Variants in GLOD4 observed in about 807,000 individuals in gnomAD.
GLOD4 encodes the protein glyoxalase domain-containing protein 4.
A neutral mutation model predicts 39.1 loss-of-function variants in GLOD4; 44 were observed. The observed-to-expected ratio is 1.13, with a 90% CI of 0.88 to 1.45. The LOEUF is 1.45. Ranked by LOEUF, GLOD4 falls within the 40% of genes most tolerant of loss-of-function variation. The pLI is 0.00. For missense variants in GLOD4, 405 were observed against 366.4 expected, an observed-to-expected ratio of 1.11 and a Z score of -0.86; for synonymous variants, 145 against 135.0, an observed-to-expected ratio of 1.07 and a Z score of -0.52.
chr17:760,790 T>C (rs988732416), intron 8 of GLOD4, among the ~76,000 whole-genome samples: 2 of 152,174 alleles, frequency 1.3e-5, no homozygotes, highest in Non-Finnish European at 2.9e-5. Flanking sequence ...GGCATCTTAA[T>C]TAAAAAGGAA....
intron 1 of GLOD4, among the ~76,000 whole-genome samples, chr17:781,468 G>A (rs780187217): frequency 6.6e-6 from 1 of 152,186 alleles, no homozygotes; most frequent in Non-Finnish European, 1.5e-5. Context: ...GAAAATAGCA[G>A]ATATTTTAAA....
chr17:772,700 C>T (rs562867730), intron 4 of GLOD4, among the ~76,000 whole-genome samples: 7 of 152,118 alleles, frequency 4.6e-5, no homozygotes, highest in South Asian at 2.1e-4. Flanking sequence ...AAATAACATA[C>T]GAAAAAATAT....
upstream of GLOD4, chr17:782,298 G>A: frequency 6.2e-7 from 1 of 1,611,570 alleles, no homozygotes; most frequent in Non-Finnish European, 8.5e-7. Context: ...GTACAGCCCA[G>A]TCCACGAAGG....
rs1004662093 is a variant in GLOD4 at position 759,526 on chromosome 17, G to GA, written c.*646dup. ...TCTGTCGGGATTAAAAATATACACG[G>GA]AAAAAAATAAAACAAAATATATACA... On this transcript the variant is annotated 3_prime_UTR_variant, in exon 9 of 9. Coordinates refer to ENST00000301329, the MANE Select transcript of GLOD4 (RefSeq NM_016080.4). 3 of 151,702 alleles carry GA rather than the reference G, an allele frequency of 2.0e-5. No individual in the cohort carries two copies. Among genetic ancestry groups the GA allele is most frequent in the Admixed American group, 6.6e-5 (1 of 15,202 alleles). The allele number at this position is 151,702 out of a possible 1,614,324, so 9.4% of individuals were successfully genotyped here. A position where few individuals can be genotyped will look rare whatever the true frequency, so the allele number is the denominator to read the frequency against.
chr17:772,981 CGA>C (rs1328776985), intron 4 of GLOD4, among the ~76,000 whole-genome samples: 1 of 149,580 alleles, frequency 6.7e-6, no homozygotes, highest in East Asian at 2.0e-4. Context: ...GGCGACAGAG[CGA>C]GACTCTGTCT....
In GLOD4 at chr17:770,413, A is replaced by C. The variant is rs111655992; in HGVS notation, c.630+8T>G. On this transcript the variant is annotated splice_region_variant and intron_variant, in intron 6 of 8. Coordinates refer to ENST00000301329, the MANE Select transcript of GLOD4 (RefSeq NM_016080.4). ...AGAAAGCTCAAACGATCTGGTATCA[A>C]GCGTTACCTCTTTCTGGGGGCAAGA... 1.4e-6 allele frequency: 2 copies of C among 1,425,940 alleles called. No homozygotes were observed. The highest frequency in any genetic ancestry group is 1.4e-5 in the African/African-American group (1 of 71,480). 88.3% of individuals were successfully genotyped at this position (1,425,940 alleles called of 1,614,324 possible). A position where few individuals can be genotyped will look rare whatever the true frequency, so the allele number is the denominator to read the frequency against.
chr17:762,155 G>A, intron 8 of GLOD4, among the ~76,000 whole-genome samples: 1 of 152,236 alleles, frequency 6.6e-6, no homozygotes, highest in Admixed American at 6.5e-5. Context: ...CATTTCAGAG[G>A]TAGAACTCAC....
At chr17:777,085 T>C (rs1367307178) in intron 2 of GLOD4, 97 bp from the exon 3 acceptor site, 5 of 1,193,140 alleles carry the variant, frequency 4.2e-6, no homozygotes, top group Non-Finnish European at 6.2e-6. Context: ...AGCATTCCTG[T>C]CTGGTCCTAA....
chr17:767,594 G>A (rs1047235494), intron 8 of GLOD4, among the ~76,000 whole-genome samples: 37 of 148,724 alleles, frequency 2.5e-4, no homozygotes, highest in African/African-American at 7.7e-4. Flanking sequence ...TTTAGAAGAA[G>A]AAATCTAGAG....
chr17:768,301 G>A (rs1597579271), intron 8 of GLOD4, among the ~76,000 whole-genome samples: 1 of 146,700 alleles, frequency 6.8e-6, no homozygotes, highest in African/African-American at 2.6e-5. Context: ...GGCGCACTCA[G>A]ATTTTTAGAA....
chr17:761,800 G>A (rs773374765), intron 8 of GLOD4, among the ~76,000 whole-genome samples: 4 of 152,104 alleles, frequency 2.6e-5, no homozygotes, highest in Non-Finnish European at 5.9e-5. Context: ...CATCGCGCCC[G>A]GCTGAACCTA....
chr17:783,350 T>TG, upstream of GLOD4: 2 of 723,710 alleles, frequency 2.8e-6, no homozygotes, highest in South Asian at 4.7e-5. Flanking sequence ...CCAGTGTATC[T>TG]TTTTTTTTTT....
intron 2 of GLOD4, 71 bp from the exon 3 acceptor site, chr17:777,059 T>C (rs2273453): frequency 0.24 from 351,414 of 1,463,980 alleles, 45,345 homozygotes; most frequent in Non-Finnish European, 0.27. Context: ...AGAGAACTAC[T>C]GGGCACAGAG....
chr17:774,253 A>G (rs1197548478), intron 4 of GLOD4, among the ~76,000 whole-genome samples: 2 of 152,182 alleles, frequency 1.3e-5, no homozygotes, highest in Non-Finnish European at 2.9e-5. Flanking sequence ...ACCGGATGAT[A>G]AACAAGGAGC....
In GLOD4 at chr17:771,388, TC is replaced by T; in HGVS notation, c.479del (p.Gly160GlufsTer2). ...CTTCATCTTTTTCATAAATTTTCAT[TC>T]CCAGTAGATTACACCAGTAGTTCAA... Reference protein sequence around the residue: ...KSLNYWCNLLGMKIYEKDEEK... With the variant: ...KSLNYWCNLLXMKIYEKDEEK... On this transcript the variant is annotated frameshift_variant, in exon 5 of 9. Coordinates refer to ENST00000301329, the MANE Select transcript of GLOD4 (RefSeq NM_016080.4). LOFTEE classifies it high-confidence loss of function. The T allele has an allele frequency of 1.3e-6, 2 of 1,591,930 alleles. No individual in the cohort carries two copies. Among genetic ancestry groups the T allele is most frequent in the Non-Finnish European group, 1.7e-6 (2 of 1,161,078 alleles).
chr17:777,162 C>T (rs1216059959), intron 2 of GLOD4, 174 bp from the exon 3 acceptor site: 3 of 610,494 alleles, frequency 4.9e-6, no homozygotes, highest in Non-Finnish European at 5.8e-6. Context: ...GCTCATGGGA[C>T]CCTACTACAA....
At chr17:763,669 T>C (rs1404677665) in intron 8 of GLOD4, 1 of 152,114 alleles carries the variant, frequency 6.6e-6, no homozygotes, top group Non-Finnish European at 1.5e-5. Flanking sequence ...CCCGGGAACA[T>C]AGATTCAGGT....
At position 770,036 on chromosome 17, in the gene GLOD4, A is replaced by G; in HGVS notation, c.744+8T>C. 6 of 1,590,694 alleles carry G rather than the reference A, an allele frequency of 3.8e-6. No individual in the cohort carries two copies. Among genetic ancestry groups the G allele is most frequent in the Non-Finnish European group, 5.2e-6 (6 of 1,158,642 alleles). Reference sequence around the variant, plus strand: ...GTCCAGCCTGCCCCCTGCCTGAGAAATACTTACAGGGTCGGCCAGAATGAC... The same window carrying G: ...GTCCAGCCTGCCCCCTGCCTGAGAAGTACTTACAGGGTCGGCCAGAATGAC... On this transcript the variant is annotated splice_region_variant and intron_variant, in intron 7 of 8. Transcript: ENST00000301329.
In GLOD4 at chr17:774,649, T is replaced by TAA. The variant is rs111582715; in HGVS notation, c.406+1124_406+1125dup. On this transcript the variant is annotated intron_variant, in intron 4 of 8. Coordinates refer to ENST00000301329, the MANE Select transcript of GLOD4 (RefSeq NM_016080.4). Reference sequence around the variant, plus strand: ...ACCTCGGCTCCAGAGGAGGCATGGCTAAATGGTTTGGGGGTGATCCTATTT... The same window carrying TAA: ...ACCTCGGCTCCAGAGGAGGCATGGCTAAAAATGGTTTGGGGGTGATCCTATTT... 7.5e-4 allele frequency among the ~76,000 whole-genome samples: 114 copies of TAA among 152,308 alleles called. 1 individual carries two copies. Among genetic ancestry groups the TAA allele is most frequent in the African/African-American group, 2.7e-3 (114 of 41,570 alleles).
Sources: gnomAD v4.1 joint callset for allele counts (sites outside exome capture counted in the v4.1 genomes callset) on GRCh38, gnomAD v4.1.1 for gene constraint, MANE v1.5 for transcripts, NCBI Gene and HGNC (gene_info 2026-07-23, HGNC 2026-07-21) for gene names.